The following PRLR variants were observed in gnomAD, a reference collection of about 807,000 sequenced individuals.
The protein encoded by PRLR is hPRL receptor.
Under a neutral mutation model 40.2 loss-of-function variants are expected in PRLR, and 13 were observed. That is an observed-to-expected ratio of 0.32 (90% CI 0.21 to 0.51). The LOEUF (loss-of-function observed/expected upper bound fraction) is 0.51. Among genes scored for constraint, PRLR ranks in the 20% least tolerant of loss-of-function variants. The pLI, the probability that PRLR is intolerant of heterozygous loss-of-function variation, is 0.97. For synonymous variants in PRLR, 269 were observed against 278.7 expected (o/e 0.97, Z 0.35); for missense variants, 656 against 747.3 (o/e 0.88, Z 1.42).
intron 1 of PRLR, among the ~76,000 whole-genome samples, chr5:35,126,532 C>G (rs1773473831): frequency 1.3e-5 from 2 of 152,028 alleles, no homozygotes; most frequent in South Asian, 4.2e-4. Context: ...TGAATATTGG[C>G]CCACCCGATT....
intron 1 of PRLR, among the ~76,000 whole-genome samples, chr5:35,207,542 G>A (rs1255939335): frequency 6.6e-6 from 1 of 151,908 alleles, no homozygotes; most frequent in Admixed American, 6.6e-5. Flanking sequence ...TTCTTGATGG[G>A]CTGACTCAAT....
At chr5:35,074,199 G>A (rs1769922607) in intron 5 of PRLR, among the ~76,000 whole-genome samples, 1 of 152,152 alleles carries the variant, frequency 6.6e-6, no homozygotes, top group Non-Finnish European at 1.5e-5. Context: ...AGTGGCTTAT[G>A]CCTGTAATCC....
intron 3 of PRLR, among the ~76,000 whole-genome samples, chr5:35,086,759 C>T (rs899108640): frequency 6.6e-6 from 1 of 152,058 alleles, no homozygotes; most frequent in African/African-American, 2.4e-5. Context: ...CCTAAGGGAA[C>T]CATACAAAGA....
intron 3 of PRLR, 102 bp from the exon 4 acceptor site, chr5:35,086,442 G>A: frequency 7.0e-7 from 1 of 1,432,548 alleles, no homozygotes; most frequent in Non-Finnish European, 9.6e-7. Flanking sequence ...AGCCAGCGAT[G>A]AAGTCTCAGG....
At position 35,118,272 on chromosome 5, in the gene PRLR, C is replaced by T. The variant is rs1286799169; in HGVS notation, c.-105-150G>A. ...TAGTGTTCTGGAATTTGTTTTTTGG[C>T]AGCTTTATTTTGAAGTAATTTTAAT... On this transcript the variant is annotated intron_variant, in intron 1 of 9. Transcript: ENST00000618457. The T allele has an allele frequency of 1.5e-5, 3 of 204,102 alleles. No homozygotes were observed. The Admixed American group carries it at 2.0e-4, about 14-fold the overall frequency. 12.6% of individuals were successfully genotyped at this position (204,102 alleles called of 1,614,324 possible). A position where few individuals can be genotyped will look rare whatever the true frequency, so the allele number is the denominator to read the frequency against.
intron 2 of PRLR, among the ~76,000 whole-genome samples, chr5:35,107,726 A>C (rs1254568590): frequency 6.6e-6 from 1 of 152,228 alleles, no homozygotes; most frequent in Non-Finnish European, 1.5e-5. Flanking sequence ...AAATCGAGGC[A>C]ATAATTAATA....
intron 8 of PRLR, among the ~76,000 whole-genome samples, chr5:35,050,361 C>G (rs956857473): frequency 1.3e-5 from 2 of 152,186 alleles, no homozygotes; most frequent in African/African-American, 2.4e-5. Context: ...TCCTACCCTA[C>G]CTTCACAGAT....
At position 35,230,441 on chromosome 5, in the gene PRLR, A is replaced by C. The variant is rs1776690052; in HGVS notation, c.-279T>G. ...CAGAAAACCGGCGTCTGGGGATTTC[A>C]GCCTCCGCTCCCCGGTCCCCAGCCC... On this transcript the variant is annotated 5_prime_UTR_variant, in exon 1 of 10. Coordinates refer to ENST00000618457, the MANE Select transcript of PRLR (RefSeq NM_000949.7). 1 of 152,290 alleles carries C rather than the reference A, an allele frequency of 6.6e-6. No individual in the cohort carries two copies. Among genetic ancestry groups the C allele is most frequent in the Non-Finnish European group, 1.5e-5 (1 of 68,078 alleles). 9.4% of individuals were successfully genotyped at this position (152,290 alleles called of 1,614,324 possible). A position where few individuals can be genotyped will look rare whatever the true frequency, so the allele number is the denominator to read the frequency against.
chr5:35,073,762 G>T (rs368295207), intron 5 of PRLR, among the ~76,000 whole-genome samples: 1 of 152,042 alleles, frequency 6.6e-6, no homozygotes, highest in African/African-American at 2.4e-5. Flanking sequence ...ATTCAAGGAG[G>T]GACAAATGGC....
At chr5:35,095,889 G>T (rs1273005103) in intron 2 of PRLR, among the ~76,000 whole-genome samples, 2 of 152,164 alleles carry the variant, frequency 1.3e-5, no homozygotes, top group Non-Finnish European at 2.9e-5. Context: ...TAGTTTAGAG[G>T]CTGCTGTAAA....
chr5:35,051,586 T>A (rs1768500062), downstream of PRLR, among the ~76,000 whole-genome samples: 1 of 152,220 alleles, frequency 6.6e-6, no homozygotes, highest in Admixed American at 6.5e-5. Flanking sequence ...GGGCTCTCAG[T>A]TACAGTGAAT....
chr5:35,048,885 T>C (rs777538531), exon 9 of PRLR: 2 of 326,966 alleles, frequency 6.1e-6, no homozygotes, highest in Non-Finnish European at 6.1e-6. Context: ...ACAAAGCTGA[T>C]TGCAACTAGG....
At position 35,049,161 on chromosome 5, in the gene PRLR, A is replaced by G. The variant is rs188820427; in HGVS notation, c.*126T>C. On this transcript the variant is annotated 3_prime_UTR_variant, in exon 9 of 9. Transcript: ENST00000231423. ...TATGAGCTGGCTGGTCACGTGCTGC[A>G]GGAGTAATCCAAGTCAGTGAGGCCA... 4.3e-6 allele frequency: 3 copies of G among 699,352 alleles called. No homozygotes were observed. In the African/African-American group the frequency reaches 5.2e-5, roughly 12 times the overall value. The allele number at this position is 699,352 out of a possible 1,614,324, so 43.3% of individuals were successfully genotyped here.
intron 2 of PRLR, among the ~76,000 whole-genome samples, chr5:35,111,642 C>T (rs1343208861): frequency 6.6e-6 from 1 of 151,968 alleles, no homozygotes; most frequent in East Asian, 1.9e-4. Flanking sequence ...AATATCAAAC[C>T]ATAAGGGATT....
At chr5:35,129,501 C>G (rs1453879305) in intron 1 of PRLR, among the ~76,000 whole-genome samples, 1 of 152,108 alleles carries the variant, frequency 6.6e-6, no homozygotes, top group African/African-American at 2.4e-5. Context: ...AGGATTTACA[C>G]AAAGGTCAAG....
chr5:35,078,328 G>C (rs896389930), intron 5 of PRLR, among the ~76,000 whole-genome samples: 2 of 151,790 alleles, frequency 1.3e-5, no homozygotes, highest in African/African-American at 4.8e-5. Flanking sequence ...AAGAAGAAAA[G>C]AAAGAAAAAT....
chr5:35,136,163 C>G (rs113092180), intron 1 of PRLR, among the ~76,000 whole-genome samples: 2,667 of 152,258 alleles, frequency 0.018, 32 homozygotes, highest in Non-Finnish European at 0.025. Context: ...CCCCAACAGG[C>G]AGAATAAATA....
At chr5:35,145,152 G>A (rs927192022) in intron 1 of PRLR, among the ~76,000 whole-genome samples, 1 of 152,088 alleles carries the variant, frequency 6.6e-6, no homozygotes, top group Non-Finnish European at 1.5e-5. Context: ...ACTGAAAATT[G>A]ATTTTCACAA....
rs763457641 is a variant in PRLR at position 35,102,123 on chromosome 5, C to T, written c.-43-12460G>A. Among the ~76,000 whole-genome samples the T allele has an allele frequency of 3.9e-5, 6 of 151,992 alleles. No homozygotes were observed. The South Asian group carries it at 6.2e-4, about 16-fold the overall frequency. On this transcript the variant is annotated intron_variant, in intron 2 of 9. Transcript: ENST00000618457. ...GATTACAGACGTGAGCCACCACGCC[C>T]GGCCAAACTTTTAATCTATTGGGTG... is the stretch of plus-strand genomic sequence containing the variant.
Sources: allele counts gnomAD v4.1 joint callset (sites outside exome capture counted in the v4.1 genomes callset), GRCh38; gene constraint gnomAD v4.1.1; transcripts MANE v1.5; gene names NCBI Gene and HGNC (gene_info 2026-07-23, HGNC 2026-07-21).